Variants in NTRK3 observed in about 807,000 individuals in gnomAD.
NTRK3 encodes neurotrophic receptor tyrosine kinase 3.
A neutral mutation model predicts 91.7 loss-of-function variants in NTRK3; 24 were observed. The ratio of observed to expected loss-of-function variants is 0.26; its 90% CI spans 0.19 to 0.37. The LOEUF is 0.37. Among genes scored for constraint, NTRK3 ranks in the 10% least tolerant of loss-of-function variants. The pLI is 1.00. For missense variants in NTRK3, 880 were observed against 1,068.9 expected, an observed-to-expected ratio of 0.82 and a Z score of 2.46; for synonymous variants, 483 against 404.0, an observed-to-expected ratio of 1.20 and a Z score of -2.34.
intron 17 of NTRK3, among the ~76,000 whole-genome samples, chr15:87,912,923 TAAAA>T (rs71460480): frequency 0.018 from 693 of 39,008 alleles, 21 homozygotes; most frequent in African/African-American, 0.043. Context: ...TTTCAAAAAG[TAAAA>T]AAAAATATAT....
At chr15:87,982,401 CA>C (rs1383432410) in intron 14 of NTRK3, among the ~76,000 whole-genome samples, 2 of 152,196 alleles carry the variant, frequency 1.3e-5, no homozygotes, top group Non-Finnish European at 2.9e-5. Context: ...AGGGGCAAAT[CA>C]AAGGCATTTC....
chr15:87,994,917 G>A (rs992899861), intron 14 of NTRK3, among the ~76,000 whole-genome samples: 4 of 152,076 alleles, frequency 2.6e-5, no homozygotes, highest in African/African-American at 7.2e-5. Flanking sequence ...ACTGACAGAT[G>A]GATAGATGGA....
At chr15:88,208,905 C>T (rs74031104) in intron 3 of NTRK3, among the ~76,000 whole-genome samples, 7,442 of 96,758 alleles carry the variant, frequency 0.077, 556 homozygotes, top group African/African-American at 0.22. Flanking sequence ...AGAGGGCCAA[C>T]GAATTCAACA....
exon 19 of NTRK3, chr15:87,868,316 T>C (rs1056401276): frequency 2.6e-5 from 6 of 227,878 alleles, no homozygotes; most frequent in African/African-American, 1.3e-4. Context: ...TGCCTCCGTA[T>C]GATTTTTACC....
intron 14 of NTRK3, among the ~76,000 whole-genome samples, chr15:87,972,131 G>A (rs917629885): frequency 2.0e-5 from 3 of 152,184 alleles, no homozygotes; most frequent in African/African-American, 7.2e-5. Flanking sequence ...CAAGGGAGGG[G>A]AGAATGTGTC....
chr15:88,148,261 C>T (rs750712157), intron 5 of NTRK3, among the ~76,000 whole-genome samples: 13 of 152,304 alleles, frequency 8.5e-5, no homozygotes, highest in South Asian at 4.1e-4. Flanking sequence ...TGCTTACACA[C>T]GCACCTATAT....
chr15:87,973,926 A>C (rs896418356), intron 14 of NTRK3, among the ~76,000 whole-genome samples: 1 of 152,220 alleles, frequency 6.6e-6, no homozygotes, highest in African/African-American at 2.4e-5. Context: ...CACAGGAGTC[A>C]GTAAACCCTG....
chr15:87,868,651 G>T (rs1342958059), exon 19 of NTRK3: 1 of 219,622 alleles, frequency 4.6e-6, no homozygotes, highest in Non-Finnish European at 9.1e-6. Flanking sequence ...AACTTTGGAT[G>T]TAATCAATGG....
chr15:88,224,869 C>G (rs1169896941), intron 3 of NTRK3, among the ~76,000 whole-genome samples: 1 of 152,212 alleles, frequency 6.6e-6, no homozygotes, highest in Non-Finnish European at 1.5e-5. Context: ...GCACAAGGCC[C>G]TCACTCTTGG....
Position 88,255,641 on chromosome 15 carries a change from G to C in NTRK3, c.248+265C>G, listed in dbSNP as rs2053962797. ...CTGGTTGGGAGGCGGGCGGTAGCTG[G>C]GCCCCGCGTGCCCTCGGCGGCCGGG... On this transcript the variant is annotated intron_variant, in intron 3 of 18. Coordinates refer to ENST00000394480, the Ensembl canonical transcript of NTRK3. The surrounding 1 kb of genome is among the most constrained non-coding windows in gnomAD (Gnocchi z 4.3). Among the ~76,000 whole-genome samples the C allele has an allele frequency of 6.6e-6, 1 of 152,192 alleles. No homozygotes were observed. Among genetic ancestry groups the C allele is most frequent in the South Asian group, 2.1e-4 (1 of 4,828 alleles).
At chr15:87,983,432 G>A (rs539647804) in intron 14 of NTRK3, among the ~76,000 whole-genome samples, 290 of 152,224 alleles carry the variant, frequency 1.9e-3, no homozygotes, top group Admixed American at 2.8e-3. Context: ...AGGGAGCCCC[G>A]AGCAATACCC....
intron 18 of NTRK3, among the ~76,000 whole-genome samples, chr15:87,879,018 T>C (rs1004092851): frequency 2.0e-5 from 3 of 151,988 alleles, no homozygotes; most frequent in African/African-American, 7.2e-5. Flanking sequence ...AAATGGGTTC[T>C]AGTATATATA....
chr15:87,891,253 G>C (rs928997973), intron 17 of NTRK3, among the ~76,000 whole-genome samples: 1 of 152,150 alleles, frequency 6.6e-6, no homozygotes, highest in Non-Finnish European at 1.5e-5. Flanking sequence ...AGAAAACATA[G>C]CTATGTTTTA....
chr15:88,215,489 T>A (rs888116532), intron 3 of NTRK3, among the ~76,000 whole-genome samples: 1 of 152,228 alleles, frequency 6.6e-6, no homozygotes, highest in African/African-American at 2.4e-5. Context: ...AGACACTGTG[T>A]CCTGCGATGC....
intron 3 of NTRK3, among the ~76,000 whole-genome samples, chr15:88,230,258 C>T (rs76775778): frequency 2.1e-4 from 32 of 152,360 alleles, no homozygotes; most frequent in Non-Finnish European, 4.0e-4. Context: ...CAGTCATCAT[C>T]ATCACCATTA....
intron 3 of NTRK3, among the ~76,000 whole-genome samples, chr15:88,188,237 G>A (rs963992876): frequency 1.3e-5 from 2 of 152,200 alleles, no homozygotes; most frequent in African/African-American, 2.4e-5. Context: ...GAGAAAGAGG[G>A]CAAAGGGGTG....
chr15:87,929,682 T>C (rs1043036459), intron 16 of NTRK3, among the ~76,000 whole-genome samples: 4 of 152,224 alleles, frequency 2.6e-5, no homozygotes, highest in African/African-American at 9.6e-5. Flanking sequence ...GGAATAAACC[T>C]ACTCTTTTTA....
At chr15:88,022,045 G>C (rs538022382) in intron 14 of NTRK3, among the ~76,000 whole-genome samples, 2 of 152,196 alleles carry the variant, frequency 1.3e-5, no homozygotes, top group South Asian at 2.1e-4. Flanking sequence ...TGCATTCCTG[G>C]CTTCTCCCTG....
In NTRK3 at chr15:88,184,827, C is replaced by A. The variant is rs114111732; in HGVS notation, c.249-528G>T. 3.9e-3 allele frequency among the ~76,000 whole-genome samples: 589 copies of A among 152,336 alleles called. 1 individual carries two copies. The highest frequency in any genetic ancestry group is 0.014 in the African/African-American group (568 of 41,570). Reference sequence around the variant, plus strand: ...ACCAGGGTCTAGACTCTGGAAGCCCCCTTTGGGTGACCCACAGCCCAATCC... The same window carrying A: ...ACCAGGGTCTAGACTCTGGAAGCCCACTTTGGGTGACCCACAGCCCAATCC... On this transcript the variant is annotated intron_variant, in intron 3 of 18. Transcript: ENST00000394480.
Sources: gnomAD v4.1 joint callset for allele counts (sites outside exome capture counted in the v4.1 genomes callset) on GRCh38, gnomAD v4.1.1 for gene constraint, Gnocchi (gnomAD v3.1) non-coding constraint, MANE v1.5 for transcripts, NCBI Gene and HGNC (gene_info 2026-07-23, HGNC 2026-07-21) for gene names.